Variants in ANK3 observed in about 807,000 individuals in gnomAD.
ANK3 encodes the protein ankyrin 3.
Under a neutral mutation model 370.9 loss-of-function variants are expected in ANK3, and 57 were observed. That is an observed-to-expected ratio of 0.15 (90% CI 0.12 to 0.19). The LOEUF is 0.19. Ranked by LOEUF, ANK3 falls within the 10% of genes least tolerant of loss-of-function variation. The pLI is 1.00. For synonymous variants in ANK3, 1,929 were observed against 1,946.3 expected (o/e 0.99, Z 0.23); for missense variants, 4,439 against 5,302.1 (o/e 0.84, Z 5.06).
intron 43 of ANK3, among the ~76,000 whole-genome samples, chr10:60,040,152 A>G (rs2075836086): frequency 6.6e-6 from 1 of 152,228 alleles, no homozygotes; most frequent in Non-Finnish European, 1.5e-5. Context: ...TAGGATGGCT[A>G]TGACTCAATA....
chr10:60,553,505 A>G (rs1454952904), intron 2 of ANK3, among the ~76,000 whole-genome samples: 1 of 152,172 alleles, frequency 6.6e-6, no homozygotes, highest in South Asian at 2.1e-4. Flanking sequence ...GAAATCTGAA[A>G]TTCTACCTCC....
In ANK3 at chr10:60,186,703, G is replaced by T; in HGVS notation, c.2085+12C>A. 9.3e-6 allele frequency: 15 copies of T among 1,613,602 alleles called. No homozygotes were observed. Among genetic ancestry groups the T allele is most frequent in the Non-Finnish European group, 1.2e-5 (14 of 1,179,662 alleles). On this transcript the variant is annotated intron_variant, in intron 17 of 43. Coordinates refer to ENST00000280772, the MANE Select transcript of ANK3 (RefSeq NM_020987.5). ...GTGTGCTGCATGCTTTGTCAAGAAA[G>T]AAGTGGGTTACCTTATTGCTCAGGT... is the stretch of plus-strand genomic sequence containing the variant.
At chr10:60,505,558 C>T (rs2075916426) in intron 2 of ANK3, among the ~76,000 whole-genome samples, 1 of 152,054 alleles carries the variant, frequency 6.6e-6, no homozygotes, top group African/African-American at 2.4e-5. Flanking sequence ...ACCGGAAGTT[C>T]TTCCTGATCA....
intron 1 of ANK3, among the ~76,000 whole-genome samples, chr10:60,319,227 T>C (rs2048107442): frequency 6.6e-6 from 1 of 152,254 alleles, no homozygotes; most frequent in Non-Finnish European, 1.5e-5. Context: ...CAAGGCTTTG[T>C]TATGTTTTAT....
Position 60,389,573 on chromosome 10 carries a change from GCTTC to G in ANK3, c.-39_-36del. The G allele has an allele frequency of 6.2e-7, 1 of 1,609,062 alleles. No individual in the cohort carries two copies. Among genetic ancestry groups the G allele is most frequent in the South Asian group, 1.1e-5 (1 of 89,998 alleles). ...AAAAAGATCCTCTCAAGCACACACG[GCTTC>G]CTTGTAAAAGGTGATATCCTCAGGC... On this transcript the variant is annotated 5_prime_UTR_variant, in exon 1 of 44. Coordinates refer to ENST00000280772, the MANE Select transcript of ANK3 (RefSeq NM_020987.5).
At chr10:60,289,857 T>A (rs971895427) in intron 1 of ANK3, among the ~76,000 whole-genome samples, 1 of 152,198 alleles carries the variant, frequency 6.6e-6, no homozygotes, top group African/African-American at 2.4e-5. Flanking sequence ...TAGAATAAGA[T>A]AACGTCCAAC....
At chr10:60,138,592 A>T in intron 24 of ANK3, 2 of 442,760 alleles carry the variant, frequency 4.5e-6, no homozygotes, top group Non-Finnish European at 7.9e-6. Context: ...ATCTATACAC[A>T]TATTTCTCAC....
chr10:60,498,696 T>C (rs1410723430), intron 2 of ANK3, among the ~76,000 whole-genome samples: 2 of 152,214 alleles, frequency 1.3e-5, no homozygotes, highest in Non-Finnish European at 2.9e-5. Context: ...CCAATGATAA[T>C]ATATTTTTAA....
At chr10:60,271,476 G>C (rs893454231) in intron 4 of ANK3, among the ~76,000 whole-genome samples, 1 of 152,082 alleles carries the variant, frequency 6.6e-6, no homozygotes, top group Admixed American at 6.5e-5. Flanking sequence ...CAAAGTGCTT[G>C]ATTATAGGTG....
intron 1 of ANK3, among the ~76,000 whole-genome samples, chr10:60,329,032 C>A (rs1013572913): frequency 6.6e-6 from 1 of 152,080 alleles, no homozygotes; most frequent in Admixed American, 6.5e-5. Flanking sequence ...ATGACAAAAA[C>A]CACATGATTA....
chr10:60,155,190 A>G (rs1341781757), intron 23 of ANK3, among the ~76,000 whole-genome samples: 1 of 152,142 alleles, frequency 6.6e-6, no homozygotes, highest in Non-Finnish European at 1.5e-5. Context: ...TCAGAAAGAC[A>G]GTCTTGCATT....
chr10:60,424,599 C>A (rs971556327), intron 2 of ANK3, among the ~76,000 whole-genome samples: 2 of 151,960 alleles, frequency 1.3e-5, no homozygotes, highest in African/African-American at 4.8e-5. Flanking sequence ...CTTACAATTC[C>A]ACCCTTACGA....
At chr10:60,180,606 AAAAAAAACC>A (rs2096139594) in intron 18 of ANK3, among the ~76,000 whole-genome samples, 1 of 130,694 alleles carries the variant, frequency 7.7e-6, no homozygotes, top group East Asian at 2.1e-4. Flanking sequence ...AAAAAAAAAA[AAAAAAAACC>A]AAAAAAAAAA....
At chr10:60,516,858 T>C (rs1447039661) in intron 2 of ANK3, among the ~76,000 whole-genome samples, 1 of 152,116 alleles carries the variant, frequency 6.6e-6, no homozygotes, top group Non-Finnish European at 1.5e-5. Context: ...CAGAATTTTC[T>C]TTTTCCTAAA....
At chr10:60,392,582 T>A (rs1487138929), upstream of ANK3, among the ~76,000 whole-genome samples, 1 of 152,216 alleles carries the variant, frequency 6.6e-6, no homozygotes, top group Non-Finnish European at 1.5e-5. Flanking sequence ...AATGTTTACA[T>A]AGGATTTACA....
At chr10:60,446,765 C>T (rs1045377597) in intron 2 of ANK3, among the ~76,000 whole-genome samples, 4 of 152,198 alleles carry the variant, frequency 2.6e-5, no homozygotes, top group African/African-American at 9.6e-5. Flanking sequence ...TAGGATACTA[C>T]AAGATATTTT....
intron 7 of ANK3, among the ~76,000 whole-genome samples, chr10:60,255,855 TA>T (rs1384871394): frequency 1.3e-5 from 2 of 152,184 alleles, no homozygotes; most frequent in African/African-American, 2.4e-5. Flanking sequence ...TGAAGTAACA[TA>T]GCCCAGGTGT....
chr10:60,236,734 G>A (rs571956510), intron 7 of ANK3, among the ~76,000 whole-genome samples: 1 of 152,322 alleles, frequency 6.6e-6, no homozygotes, highest in East Asian at 1.9e-4. Flanking sequence ...AAAGAAGAAA[G>A]AGACCTGAGG....
chr10:60,684,503 A>G, intron 1 of ANK3: 2 of 1,469,484 alleles, frequency 1.4e-6, no homozygotes, highest in Non-Finnish European at 1.8e-6. Flanking sequence ...TTGCAGCTGG[A>G]AATGGGGAAT....
Sources: allele counts gnomAD v4.1 joint callset (sites outside exome capture counted in the v4.1 genomes callset), GRCh38; gene constraint gnomAD v4.1.1; transcripts MANE v1.5; gene names NCBI Gene and HGNC (gene_info 2026-07-23, HGNC 2026-07-21).